ANO1: variants seen among roughly 807,000 people sequenced by gnomAD.
The protein encoded by ANO1 is anoctamin-1.
Under a neutral mutation model 124.0 loss-of-function variants are expected in ANO1, and 59 were observed. That is an observed-to-expected ratio of 0.48 (90% CI 0.39 to 0.59). ANO1 has a LOEUF of 0.59. Among genes scored for constraint, ANO1 ranks in the 20% least tolerant of loss-of-function variants. The pLI is 0.00. For synonymous variants in ANO1, 529 were observed against 532.0 expected, an observed-to-expected ratio of 0.99 and a Z score of 0.08; for missense variants, 1,059 against 1,328.0, an observed-to-expected ratio of 0.80 and a Z score of 3.15.
chr11:70,052,531 C>CTTTTTTTTTTTTTTTTTTT (rs200770702), intron 1 of ANO1, among the ~76,000 whole-genome samples: 13 of 65,916 alleles, frequency 2.0e-4, no homozygotes, highest in East Asian at 1.0e-3. Flanking sequence ...TTTTTCTTTT[C>CTTTTTTTTTTTTTTTTTTT]TTTTTTTTTT....
At chr11:70,134,055 A>G (rs1469588317) in intron 11 of ANO1, among the ~76,000 whole-genome samples, 1 of 151,522 alleles carries the variant, frequency 6.6e-6, no homozygotes, top group African/African-American at 2.4e-5. Context: ...CTCCCTCAAG[A>G]CCCTCCTCAC....
chr11:69,979,753 G>A, the ANO1 span, among the ~76,000 whole-genome samples: 1 of 152,168 alleles, frequency 6.6e-6, no homozygotes, highest in Admixed American at 6.5e-5. Context: ...GGCAAAGGGA[G>A]CCAACGTGAA....
chr11:70,117,375 C>T, intron 8 of ANO1, among the ~76,000 whole-genome samples: 1 of 152,016 alleles, frequency 6.6e-6, no homozygotes, highest in East Asian at 1.9e-4. Flanking sequence ...CCAGCCAGCC[C>T]CTTTATTCTT....
chr11:69,966,309 G>A, the ANO1 span, among the ~76,000 whole-genome samples: 1 of 152,204 alleles, frequency 6.6e-6, no homozygotes, highest in African/African-American at 2.4e-5. Flanking sequence ...GGCTGGAGGA[G>A]GCCCTGCCCT....
In ANO1 at chr11:70,087,778, T is replaced by C; in HGVS notation, c.135T>C (p.Pro45=). 6.2e-7 allele frequency: 1 copy of C among 1,608,960 alleles called. No homozygotes were observed. The highest frequency in any genetic ancestry group is 8.5e-7 in the Non-Finnish European group (1 of 1,177,456). The change falls in exon 2 of 26, where the codon CCT becomes CCC. Residue 45 remains proline (P), a synonymous_variant. Coordinates refer to ENST00000355303, the MANE Select transcript of ANO1 (RefSeq NM_018043.7). The stretch of plus-strand genomic sequence containing the variant: ...TGCTGAACTCCTTATCTGTGGACCC[T>C]GATGCCGAGTGCAAGTATGGCCTGT... ...GTLLNSLSVD[P]DAECKYGLYF...
rs1591031869 is a variant in ANO1, at chr11:70,010,169, G to GTA, written c.58+24004_58+24005insAT. Among the ~76,000 whole-genome samples the GTA allele has an allele frequency of 9.7e-4, 22 of 22,702 alleles. 1 individual carries two copies. The East Asian group carries it at 0.019, about 20-fold the overall frequency. 14.9% of individuals were successfully genotyped at this position (22,702 alleles called of 152,430 possible). A position where few individuals can be genotyped will look rare whatever the true frequency, so the allele number is the denominator to read the frequency against. ...TGTGTGTGTGTGTGTGTGTGTGCGC[G>GTA]TGTGTGTGTGTATATATATATATAT... On this transcript the variant is annotated intron_variant, in intron 1 of 27. Transcript: ENST00000531349.
At chr11:70,004,410 T>A (rs1856444945) in intron 1 of ANO1, among the ~76,000 whole-genome samples, 1 of 152,214 alleles carries the variant, frequency 6.6e-6, no homozygotes, top group African/African-American at 2.4e-5. Context: ...ACAGGGACCA[T>A]CTCATGACTA....
intron 11 of ANO1, among the ~76,000 whole-genome samples, chr11:70,138,310 A>G: frequency 8.9e-6 from 1 of 112,374 alleles, no homozygotes; most frequent in South Asian, 3.8e-4. Context: ...ACGCCACTGC[A>G]CTCCAGCCTG....
At chr11:70,145,959 A>AT (rs2135596711) in intron 11 of ANO1, among the ~76,000 whole-genome samples, 1 of 149,096 alleles carries the variant, frequency 6.7e-6, no homozygotes, top group East Asian at 1.9e-4. Flanking sequence ...AAAAAAAAAA[A>AT]AAAAAAGAAA....
At chr11:69,987,489 G>A (rs1399441337) in intron 1 of ANO1, among the ~76,000 whole-genome samples, 1 of 152,060 alleles carries the variant, frequency 6.6e-6, no homozygotes, top group Non-Finnish European at 1.5e-5. Context: ...TTAGAACGGA[G>A]GCCTGTTGTC....
At chr11:70,164,572 G>A (rs1297552052) in intron 19 of ANO1, among the ~76,000 whole-genome samples, 1 of 152,250 alleles carries the variant, frequency 6.6e-6, no homozygotes, top group Non-Finnish European at 1.5e-5. Flanking sequence ...GGGTTTGTTA[G>A]GTTTTATTTG....
intron 1 of ANO1, among the ~76,000 whole-genome samples, chr11:70,000,251 C>G (rs1191547825): frequency 1.3e-5 from 2 of 150,812 alleles, no homozygotes; most frequent in Admixed American, 6.7e-5. Context: ...GAGGCACTCA[C>G]AGAGGAAGAA....
chr11:70,023,026 G>A (rs141316851), intron 1 of ANO1, among the ~76,000 whole-genome samples: 14 of 152,326 alleles, frequency 9.2e-5, no homozygotes, highest in African/African-American at 3.4e-4. Context: ...GCCTCTAGAA[G>A]CTGGAGAAGG....
At chr11:70,110,743 A>C (rs1038608301) in intron 6 of ANO1, among the ~76,000 whole-genome samples, 8 of 152,208 alleles carry the variant, frequency 5.3e-5, no homozygotes, top group Admixed American at 5.2e-4. Flanking sequence ...TCAGCCAAGC[A>C]GGGGGTTCCA....
chr11:70,019,861 C>T (rs974871118), intron 1 of ANO1, among the ~76,000 whole-genome samples: 1 of 152,358 alleles, frequency 6.6e-6, no homozygotes, highest in East Asian at 1.9e-4. Context: ...GTCCCACGCA[C>T]GTCTTCACTG....
At chr11:70,015,087 G>A (rs902877) in intron 1 of ANO1, 120,428 of 151,800 alleles carry the variant, frequency 0.79, 48,101 homozygotes, top group East Asian at 1. Context: ...CCCAGGGCTC[G>A]GCAGGCCACT....
intron 1 of ANO1, among the ~76,000 whole-genome samples, chr11:70,046,188 G>A (rs546916272): frequency 5.3e-5 from 8 of 152,292 alleles, no homozygotes; most frequent in Middle Eastern, 3.4e-3. Flanking sequence ...ATGTCATTGT[G>A]CCAATTTTCT....
In ANO1 at chr11:70,010,179, G is replaced by GTATGTGTGTGTATATA. The variant is rs1188271051; in HGVS notation, c.58+24016_58+24017insGTGTGTGTATATATAT. 4.3e-4 allele frequency among the ~76,000 whole-genome samples: 36 copies of GTATGTGTGTGTATATA among 83,774 alleles called. 4 individuals are homozygous for GTATGTGTGTGTATATA. The highest frequency in any genetic ancestry group is 5.8e-4 in the East Asian group (1 of 1,734). The allele number at this position is 83,774 out of a possible 152,430, so 55.0% of individuals were successfully genotyped here. The stretch of plus-strand genomic sequence containing the variant: ...TGTGTGTGTGTGCGCGTGTGTGTGT[G>GTATGTGTGTGTATATA]TATATATATATATATATATCACATT... On this transcript the variant is annotated intron_variant, in intron 1 of 27. Coordinates refer to the ANO1 transcript ENST00000531349.
chr11:70,082,781 C>T (rs1357117201), intron 1 of ANO1, among the ~76,000 whole-genome samples: 4 of 152,208 alleles, frequency 2.6e-5, no homozygotes, highest in Non-Finnish European at 5.9e-5. Flanking sequence ...TCCACTGCTC[C>T]GTGGAAGGGC....
Sources: allele counts gnomAD v4.1 joint callset (sites outside exome capture counted in the v4.1 genomes callset), GRCh38; gene constraint gnomAD v4.1.1; transcripts MANE v1.5; gene names NCBI Gene and HGNC (gene_info 2026-07-23, HGNC 2026-07-21).